Variants in TCF7 observed in about 807,000 individuals in gnomAD.
The protein encoded by TCF7 is transcription factor 7.
TCF7 carries 19 observed loss-of-function variants against 46.8 expected under a neutral mutation model. That is an observed-to-expected ratio of 0.41 (90% CI 0.28 to 0.60). The LOEUF is 0.60. Ranked by LOEUF, TCF7 falls within the 20% of genes least tolerant of loss-of-function variation. TCF7 has a pLI of 0.35. For synonymous variants in TCF7, 245 were observed against 213.4 expected, an observed-to-expected ratio of 1.15 and a Z score of -1.29; for missense variants, 547 against 504.6, an observed-to-expected ratio of 1.08 and a Z score of -0.81.
upstream of TCF7, among the ~76,000 whole-genome samples, chr5:134,111,362 A>G (rs1291198159): frequency 6.6e-6 from 1 of 152,194 alleles, no homozygotes; most frequent in East Asian, 1.9e-4. Context: ...GGATGAATCC[A>G]GAAGACTCTG....
In TCF7 at chr5:134,143,374, CTTCCA is replaced by C. The variant is rs770798397; in HGVS notation, c.1027-214_1027-210del. On this transcript the variant is annotated intron_variant, in intron 8 of 9. Transcript: ENST00000342854. ...GAGAAAGGGGTCTGGAAGTCACCTC[CTTCCA>C]TTCAAACTGGAGACCAGATTGGGGT... is the stretch of plus-strand genomic sequence containing the variant. 5.7e-5 allele frequency: 45 copies of C among 788,728 alleles called. 1 individual carries two copies. Among genetic ancestry groups the C allele is most frequent in the South Asian group, 3.9e-4 (29 of 74,046 alleles). 48.9% of individuals were successfully genotyped at this position (788,728 alleles called of 1,614,324 possible).
chr5:134,138,288 G>A (rs1759211631), intron 4 of TCF7, 124 bp downstream of exon 4: 20 of 790,798 alleles, frequency 2.5e-5, no homozygotes, highest in Non-Finnish European at 3.8e-5. Flanking sequence ...GCAAACTAAG[G>A]GCCCAAAGAA....
chr5:134,131,310 A>G (rs1459920483), intron 3 of TCF7, among the ~76,000 whole-genome samples: 2 of 152,234 alleles, frequency 1.3e-5, no homozygotes, highest in Admixed American at 1.3e-4. Context: ...CGAAATGGGA[A>G]GAATGTATCA....
intron 3 of TCF7, among the ~76,000 whole-genome samples, chr5:134,127,641 G>A (rs73790165): frequency 0.15 from 22,951 of 152,194 alleles, 2,719 homozygotes; most frequent in African/African-American, 0.32. Flanking sequence ...TTATTCCCCC[G>A]TGGGAAAGCC....
intron 5 of TCF7, chr5:134,140,777 C>A: frequency 2.2e-6 from 1 of 455,760 alleles, no homozygotes; most frequent in South Asian, 1.5e-5. Context: ...CTGCTAACAG[C>A]TATCTCTCCC....
intron 3 of TCF7, among the ~76,000 whole-genome samples, chr5:134,135,710 G>C (rs780898165): frequency 6.6e-5 from 10 of 152,142 alleles, no homozygotes; most frequent in Admixed American, 5.2e-4. Context: ...AAGTAGAGTT[G>C]AGTAAGCATT....
intron 3 of TCF7, among the ~76,000 whole-genome samples, chr5:134,137,318 G>A (rs1204540925): frequency 6.6e-6 from 1 of 151,768 alleles, no homozygotes; most frequent in African/African-American, 2.4e-5. Flanking sequence ...CAGCTACTCG[G>A]GAAGCTGAGT....
At chr5:134,108,299 G>A in the TCF7 span, among the ~76,000 whole-genome samples, 1 of 152,258 alleles carries the variant, frequency 6.6e-6, no homozygotes, top group East Asian at 1.9e-4. Flanking sequence ...CCATCCCCTG[G>A]GCAGAAAGCA....
At chr5:134,144,128 G>A (rs766477160) in intron 9 of TCF7, 38 of 167,646 alleles carry the variant, frequency 2.3e-4, no homozygotes, top group Non-Finnish European at 4.1e-4. Context: ...TCTATGTAGA[G>A]AAGCCCACAC....
chr5:134,108,685 G>GCT, the TCF7 span, among the ~76,000 whole-genome samples: 2 of 152,120 alleles, frequency 1.3e-5, no homozygotes, highest in East Asian at 3.9e-4. Context: ...TCCTGGGGAG[G>GCT]GAATACTTGG....
chr5:134,116,169 C>G, intron 3 of TCF7, 136 bp downstream of exon 3: 1 of 1,426,124 alleles, frequency 7.0e-7, no homozygotes, highest in South Asian at 1.5e-5. Context: ...CATACACACC[C>G]GGTGGGATCT....
chr5:134,144,876 T>G (rs1760453212), intron 9 of TCF7: 1 of 1,612,810 alleles, frequency 6.2e-7, no homozygotes, highest in African/African-American at 1.3e-5. Flanking sequence ...GCAGGTGGGT[T>G]TGTCCCCACC....
At chr5:134,138,864 C>T in intron 4 of TCF7, 87 bp from the exon 5 acceptor site, 13 of 1,563,360 alleles carry the variant, frequency 8.3e-6, no homozygotes, top group Non-Finnish European at 1.1e-5. Flanking sequence ...ATCTTAAGGC[C>T]CCTGTAGGAG....
chr5:134,112,174 T>A (rs1404749943), upstream of TCF7, among the ~76,000 whole-genome samples: 1 of 152,170 alleles, frequency 6.6e-6, no homozygotes, highest in East Asian at 1.9e-4. Context: ...CAGGCCCACA[T>A]GAAATCTACC....
intron 3 of TCF7, among the ~76,000 whole-genome samples, chr5:134,137,047 TC>T (rs1308654628): frequency 3.3e-5 from 5 of 152,212 alleles, no homozygotes; most frequent in African/African-American, 1.2e-4. Flanking sequence ...TGGCAGTGAC[TC>T]CCTGCAGCCA....
intron 3 of TCF7, among the ~76,000 whole-genome samples, chr5:134,129,670 C>T (rs796707376): frequency 1.6e-4 from 25 of 152,402 alleles, no homozygotes; most frequent in African/African-American, 6.0e-4. Context: ...CACTGGAGGC[C>T]ATGGGCCACG....
intron 3 of TCF7, 107 bp downstream of exon 3, chr5:134,116,140 C>T: frequency 6.9e-7 from 1 of 1,457,516 alleles, no homozygotes; most frequent in Non-Finnish European, 9.0e-7. Flanking sequence ...GACGAGACTC[C>T]TGTGCTGGTC....
At chr5:134,138,442 A>G (rs936532165) in intron 4 of TCF7, among the ~76,000 whole-genome samples, 1 of 152,238 alleles carries the variant, frequency 6.6e-6, no homozygotes, top group Admixed American at 6.5e-5. Context: ...TGAGAACTGT[A>G]AAACTGTAGC....
intron 3 of TCF7, among the ~76,000 whole-genome samples, chr5:134,130,968 G>T (rs1758040502): frequency 6.6e-6 from 1 of 152,208 alleles, no homozygotes; most frequent in African/African-American, 2.4e-5. Context: ...TGCTACAGAA[G>T]GAGTTGGGGA....
Sources: gnomAD v4.1 joint callset for allele counts (sites outside exome capture counted in the v4.1 genomes callset) on GRCh38, gnomAD v4.1.1 for gene constraint, MANE v1.5 for transcripts, NCBI Gene and HGNC (gene_info 2026-07-23, HGNC 2026-07-21) for gene names.